PARD3B: variants seen among roughly 807,000 people sequenced by gnomAD.
The protein encoded by PARD3B is partitioning defective 3 homolog B.
A neutral mutation model predicts 130.2 loss-of-function variants in PARD3B; 103 were observed. The observed-to-expected ratio is 0.79, with a 90% CI of 0.67 to 0.93. The LOEUF is 0.93. PARD3B is among the 40% of genes least tolerant of loss of function. The pLI is 0.00. For missense variants in PARD3B, 1,609 were observed against 1,499.2 expected, an observed-to-expected ratio of 1.07 and a Z score of -1.21; for synonymous variants, 583 against 553.2, an observed-to-expected ratio of 1.05 and a Z score of -0.76.
At chr2:205,365,659 T>C (rs1451340286) in intron 18 of PARD3B, among the ~76,000 whole-genome samples, 1 of 152,040 alleles carries the variant, frequency 6.6e-6, no homozygotes, top group Non-Finnish European at 1.5e-5. Context: ...TGTATCTTCT[T>C]TGGGGACTTA....
At chr2:204,851,340 C>T (rs2044699362) in intron 2 of PARD3B, among the ~76,000 whole-genome samples, 1 of 152,132 alleles carries the variant, frequency 6.6e-6, no homozygotes, top group Non-Finnish European at 1.5e-5. Flanking sequence ...TCCTCCTCCC[C>T]ACCATCATGC....
intron 2 of PARD3B, among the ~76,000 whole-genome samples, chr2:204,696,048 G>A (rs977779040): frequency 1.1e-4 from 16 of 152,066 alleles, no homozygotes; most frequent in African/African-American, 3.6e-4. Context: ...CCTTGATAAC[G>A]TCTGCATAGG....
intron 2 of PARD3B, among the ~76,000 whole-genome samples, chr2:204,823,689 C>T (rs1442904151): frequency 1.3e-5 from 2 of 152,090 alleles, no homozygotes; most frequent in South Asian, 2.1e-4. Flanking sequence ...CCTGTAATCC[C>T]AGCACTTTGG....
rs567130404 is a variant in PARD3B at position 205,443,248 on chromosome 2, A to G, written c.3044+2576A>G. Among the ~76,000 whole-genome samples the G allele has an allele frequency of 1.8e-3, 274 of 152,340 alleles. 1 individual carries two copies. Among genetic ancestry groups the G allele is most frequent in the African/African-American group, 6.3e-3 (262 of 41,578 alleles). ...TTGCTATGGCAGTTTCCCTAATAGTATCCGTAAGCAGGAACCTACAAATTC... is the reference window on the plus strand; with the variant it reads ...TTGCTATGGCAGTTTCCCTAATAGTGTCCGTAAGCAGGAACCTACAAATTC... On this transcript the variant is annotated intron_variant, in intron 20 of 22. Coordinates refer to ENST00000406610, the MANE Select transcript of PARD3B (RefSeq NM_001302769.2).
chr2:204,869,463 A>G lies in PARD3B; in HGVS notation c.223-95689A>G, dbSNP rs552487826. On this transcript the variant is annotated intron_variant, in intron 2 of 22. Coordinates refer to ENST00000406610, the MANE Select transcript of PARD3B (RefSeq NM_001302769.2). ...TCTTTCATGTAAAAAAGAAATATTTAGCTTATTAGACCACTGACAATTTCT... is the reference window on the plus strand; with the variant it reads ...TCTTTCATGTAAAAAAGAAATATTTGGCTTATTAGACCACTGACAATTTCT... Among the ~76,000 whole-genome samples, 3 of 152,262 alleles carry G rather than the reference A, an allele frequency of 2.0e-5. No individual in the cohort carries two copies. In the South Asian group the frequency reaches 6.2e-4, roughly 32 times the overall value.
intron 2 of PARD3B, among the ~76,000 whole-genome samples, chr2:204,822,139 A>C (rs1289016041): frequency 6.6e-6 from 1 of 152,228 alleles, no homozygotes; most frequent in African/African-American, 2.4e-5. Context: ...CAAAATACCA[A>C]CATTAACAGG....
intron 16 of PARD3B, among the ~76,000 whole-genome samples, chr2:205,259,824 C>G (rs932142961): frequency 6.6e-6 from 1 of 152,010 alleles, no homozygotes; most frequent in Non-Finnish European, 1.5e-5. Flanking sequence ...AGAAATGCTT[C>G]GGATTTCAAA....
intron 20 of PARD3B, among the ~76,000 whole-genome samples, chr2:205,452,859 C>G (rs1173168245): frequency 6.6e-6 from 1 of 152,144 alleles, no homozygotes; most frequent in African/African-American, 2.4e-5. Context: ...GCCCCTTCCC[C>G]CCATCCTCAA....
At chr2:204,672,022 T>C (rs1292549352) in intron 1 of PARD3B, among the ~76,000 whole-genome samples, 1 of 152,234 alleles carries the variant, frequency 6.6e-6, no homozygotes. Context: ...TGTTGTTGTT[T>C]ACTTCTTACA....
At chr2:205,501,044 A>C (rs2050140855) in intron 21 of PARD3B, among the ~76,000 whole-genome samples, 1 of 152,062 alleles carries the variant, frequency 6.6e-6, no homozygotes, top group Non-Finnish European at 1.5e-5. Context: ...ATAAGGTCAG[A>C]GTGGGGAGAA....
chr2:204,739,477 C>T (rs2039903159), intron 2 of PARD3B, among the ~76,000 whole-genome samples: 1 of 151,966 alleles, frequency 6.6e-6, no homozygotes, highest in Non-Finnish European at 1.5e-5. Flanking sequence ...TTTTGAGAGA[C>T]AGTATTTTGC....
Position 204,686,169 on chromosome 2 carries a change from G to C in PARD3B, c.121-12G>C. 6.4e-7 allele frequency: 1 copy of C among 1,563,116 alleles called. No individual in the cohort carries two copies. On this transcript the variant is annotated splice_polypyrimidine_tract_variant and intron_variant, in intron 1 of 22. Coordinates refer to ENST00000406610, the MANE Select transcript of PARD3B (RefSeq NM_001302769.2). ...AGATTAGGTCATTAAACTTGTGTTT[G>C]TTCTACTATAGGGTCCTGGTTACTG...
At chr2:204,671,639 T>C (rs1032635043) in intron 1 of PARD3B, among the ~76,000 whole-genome samples, 8 of 152,180 alleles carry the variant, frequency 5.3e-5, no homozygotes, top group Non-Finnish European at 1.2e-4. Flanking sequence ...AAGATAGAGT[T>C]TATGGTTTTG....
chr2:205,312,363 A>G (rs1438169013), intron 18 of PARD3B, among the ~76,000 whole-genome samples: 1 of 152,338 alleles, frequency 6.6e-6, no homozygotes, highest in South Asian at 2.1e-4. Context: ...ATTTCAGATG[A>G]AAAATGAAAG....
chr2:205,362,593 A>G (rs1427425768), intron 18 of PARD3B, among the ~76,000 whole-genome samples: 5 of 152,214 alleles, frequency 3.3e-5, no homozygotes, highest in Non-Finnish European at 7.3e-5. Flanking sequence ...AGGTAGTCTA[A>G]CAGACATAAC....
At chr2:205,601,559 A>G (rs2054785388) in intron 22 of PARD3B, among the ~76,000 whole-genome samples, 1 of 152,210 alleles carries the variant, frequency 6.6e-6, no homozygotes, top group Non-Finnish European at 1.5e-5. Flanking sequence ...TGTTTTCATC[A>G]TGAAATCTTT....
intron 21 of PARD3B, among the ~76,000 whole-genome samples, chr2:205,501,932 T>C (rs2050172424): frequency 6.6e-6 from 1 of 152,174 alleles, no homozygotes; most frequent in Non-Finnish European, 1.5e-5. Context: ...TTTCCCATGC[T>C]CCGGTGTGTT....
rs369139099 is a variant in PARD3B at position 205,550,951 on chromosome 2, A to ATGTG, written c.3181-2371_3181-2368dup. ...TGTGTGTGTGTGTGTGTATATATATATGTGTATATATATATATATATATAT... is the reference window on the plus strand; with the variant it reads ...TGTGTGTGTGTGTGTGTATATATATATGTGTGTGTATATATATATATATATATAT... On this transcript the variant is annotated intron_variant, in intron 21 of 22. Coordinates refer to ENST00000406610, the MANE Select transcript of PARD3B (RefSeq NM_001302769.2). The surrounding 1 kb of genome is among the most constrained non-coding windows in gnomAD (Gnocchi z 4.5). Among the ~76,000 whole-genome samples, 790 of 77,554 alleles carry ATGTG rather than the reference A, an allele frequency of 0.01. 34 individuals are homozygous for ATGTG. Among genetic ancestry groups the ATGTG allele is most frequent in the African/African-American group, 0.023 (525 of 22,514 alleles). The allele number at this position is 77,554 out of a possible 152,430, so 50.9% of individuals were successfully genotyped here.
At chr2:205,489,519 A>ATGTG (rs1004057153) in intron 20 of PARD3B, among the ~76,000 whole-genome samples, 15 of 107,648 alleles carry the variant, frequency 1.4e-4, no homozygotes, top group South Asian at 3.1e-4. Context: ...ACGTATATAT[A>ATGTG]TATACACACA....
Sources: gnomAD v4.1 joint callset for allele counts (sites outside exome capture counted in the v4.1 genomes callset) on GRCh38, gnomAD v4.1.1 for gene constraint, Gnocchi (gnomAD v3.1) non-coding constraint, MANE v1.5 for transcripts, NCBI Gene and HGNC (gene_info 2026-07-23, HGNC 2026-07-21) for gene names.